Variants in ARFIP1 observed in about 807,000 individuals in gnomAD.
The protein encoded by ARFIP1 is arfaptin-1.
Under a neutral mutation model 42.5 loss-of-function variants are expected in ARFIP1, and 24 were observed. The observed-to-expected ratio is 0.57, with a 90% CI of 0.41 to 0.80. The LOEUF (loss-of-function observed/expected upper bound fraction) is 0.80. Ranked by LOEUF, ARFIP1 falls within the 30% of genes least tolerant of loss-of-function variation. The pLI is 0.00. For missense variants in ARFIP1, 354 were observed against 434.0 expected (o/e 0.82, Z 1.64); for synonymous variants, 141 against 153.7 (o/e 0.92, Z 0.61).
intron 1 of ARFIP1, among the ~76,000 whole-genome samples, chr4:152,799,468 C>T (rs544715693): frequency 5.9e-5 from 9 of 152,308 alleles, no homozygotes; most frequent in African/African-American, 1.9e-4. Flanking sequence ...AGCCAAGCTA[C>T]TGTGATTCAG....
intron 1 of ARFIP1, among the ~76,000 whole-genome samples, chr4:152,816,474 T>G (rs1315875522): frequency 6.6e-6 from 1 of 152,246 alleles, no homozygotes; most frequent in Non-Finnish European, 1.5e-5. Context: ...GTAGCTGTCT[T>G]TATGACTTAC....
At position 152,869,953 on chromosome 4, in the gene ARFIP1, G is replaced by T. The variant is rs75165151; in HGVS notation, c.203-800G>T. On this transcript the variant is annotated intron_variant, in intron 3 of 8. Coordinates refer to ENST00000353617, the MANE Select transcript of ARFIP1 (RefSeq NM_001025595.3). The stretch of plus-strand genomic sequence containing the variant: ...GAGTGGCTTTTGCAAAAGAATAGAT[G>T]CCTGTTTCACTGATAATCAGTAGAT... Among the ~76,000 whole-genome samples the T allele has an allele frequency of 2.6e-5, 4 of 152,280 alleles. No homozygotes were observed. The East Asian group carries it at 7.7e-4, about 29-fold the overall frequency.
At chr4:152,899,354 C>T (rs2149907823) in intron 8 of ARFIP1, among the ~76,000 whole-genome samples, 1 of 152,218 alleles carries the variant, frequency 6.6e-6, no homozygotes, top group South Asian at 2.1e-4. Flanking sequence ...ATCTCACTAC[C>T]CCTAACTGTA....
At position 152,808,945 on chromosome 4, in the gene ARFIP1, A is replaced by T. The variant is rs1420677378; in HGVS notation, c.-9-20680A>T. ...CATGTGCCTGTAATCCCAGCTCCTC[A>T]GGAGGCTGAGGCAGGAGAATGGCTT... On this transcript the variant is annotated intron_variant, in intron 1 of 8. Transcript: ENST00000353617. Among the ~76,000 whole-genome samples, 5 of 152,078 alleles carry T rather than the reference A, an allele frequency of 3.3e-5. No homozygotes were observed. The East Asian group carries it at 9.7e-4, about 29-fold the overall frequency.
At chr4:152,820,057 AAC>A (rs1287786415) in intron 1 of ARFIP1, among the ~76,000 whole-genome samples, 1 of 152,020 alleles carries the variant, frequency 6.6e-6, no homozygotes, top group African/African-American at 2.4e-5. Context: ...GAATAGCTGG[AAC>A]ACTGGGTCAA....
chr4:152,844,380 G>C (rs1442084206), intron 2 of ARFIP1, among the ~76,000 whole-genome samples: 1 of 152,172 alleles, frequency 6.6e-6, no homozygotes, highest in African/African-American at 2.4e-5. Flanking sequence ...ACAATGAAAA[G>C]TTTTATTAGA....
At chr4:152,844,158 C>T (rs1732349706) in intron 2 of ARFIP1, among the ~76,000 whole-genome samples, 1 of 152,190 alleles carries the variant, frequency 6.6e-6, no homozygotes, top group South Asian at 2.1e-4. Flanking sequence ...TAGGTAAAAT[C>T]AGAAACTTCT....
intron 1 of ARFIP1, among the ~76,000 whole-genome samples, chr4:152,788,382 C>G (rs913917605): frequency 1.3e-5 from 2 of 151,934 alleles, no homozygotes; most frequent in African/African-American, 4.8e-5. Context: ...TACCCACTTT[C>G]CCCTATTATA....
At chr4:152,893,630 AGT>A (rs1737054031) in intron 8 of ARFIP1, among the ~76,000 whole-genome samples, 1 of 152,174 alleles carries the variant, frequency 6.6e-6, no homozygotes, top group Non-Finnish European at 1.5e-5. Flanking sequence ...TATTTTAAGA[AGT>A]GTAAAATACA....
In ARFIP1 at chr4:152,815,773, C is replaced by T. The variant is rs938794884; in HGVS notation, c.-9-13852C>T. Among the ~76,000 whole-genome samples the T allele has an allele frequency of 2.5e-5, 3 of 119,046 alleles. No homozygotes were observed. The Admixed American group carries it at 3.6e-4, about 14-fold the overall frequency. 78.1% of individuals were successfully genotyped at this position (119,046 alleles called of 152,430 possible). A position where few individuals can be genotyped will look rare whatever the true frequency, so the allele number is the denominator to read the frequency against. ...TTTTTTTTTTTTTTTGAGACGGAGTCTCGCTCTGTCGCCCAGGCTGGAGTG... is the reference window on the plus strand; with the variant it reads ...TTTTTTTTTTTTTTTGAGACGGAGTTTCGCTCTGTCGCCCAGGCTGGAGTG... On this transcript the variant is annotated intron_variant, in intron 1 of 8. Coordinates refer to ENST00000353617, the MANE Select transcript of ARFIP1 (RefSeq NM_001025595.3).
At chr4:152,822,271 A>G (rs1446275876) in intron 1 of ARFIP1, among the ~76,000 whole-genome samples, 1 of 150,586 alleles carries the variant, frequency 6.6e-6, no homozygotes, top group Non-Finnish European at 1.5e-5. Flanking sequence ...ATATCAGATC[A>G]AACAGACTAT....
At chr4:152,819,331 G>C (rs1170585188) in intron 1 of ARFIP1, among the ~76,000 whole-genome samples, 1 of 152,180 alleles carries the variant, frequency 6.6e-6, no homozygotes, top group African/African-American at 2.4e-5. Context: ...CCTTCAGTCT[G>C]TTCATGTACC....
At chr4:152,841,216 A>G (rs1303609854) in intron 2 of ARFIP1, among the ~76,000 whole-genome samples, 2 of 151,732 alleles carry the variant, frequency 1.3e-5, no homozygotes, top group Non-Finnish European at 2.9e-5. Context: ...TTGTATTTTT[A>G]GTAGAGATGG....
At chr4:152,885,144 GATGGAT>G (rs1736159019) in intron 7 of ARFIP1, among the ~76,000 whole-genome samples, 1 of 152,028 alleles carries the variant, frequency 6.6e-6, no homozygotes, top group Admixed American at 6.6e-5. Flanking sequence ...CTTGCCTACT[GATGGAT>G]AATAGTCAAA....
At chr4:152,819,059 G>T (rs1375136761) in intron 1 of ARFIP1, among the ~76,000 whole-genome samples, 7 of 152,224 alleles carry the variant, frequency 4.6e-5, no homozygotes, top group African/African-American at 1.4e-4. Context: ...AACACAATGG[G>T]CAGGGGCCTT....
At chr4:152,786,989 G>T (rs146856845) in intron 1 of ARFIP1, among the ~76,000 whole-genome samples, 1 of 152,270 alleles carries the variant, frequency 6.6e-6, no homozygotes, top group East Asian at 1.9e-4. Context: ...TAAGGTAATA[G>T]CATCATACAT....
chr4:152,837,043 T>C (rs1731708194), intron 2 of ARFIP1, among the ~76,000 whole-genome samples: 1 of 152,164 alleles, frequency 6.6e-6, no homozygotes, highest in Non-Finnish European at 1.5e-5. Flanking sequence ...TGGTTTCCAT[T>C]CCTGAGTTAC....
In ARFIP1 at chr4:152,866,357, A is replaced by G. The variant is rs535344946; in HGVS notation, c.202+2643A>G. Among the ~76,000 whole-genome samples the G allele has an allele frequency of 6.6e-5, 10 of 152,326 alleles. No homozygotes were observed. The South Asian group carries it at 2.1e-3, about 32-fold the overall frequency. Reference sequence around the variant, plus strand: ...ATTCCACAAAACCGCCATTGTCATCATGGCCCGTTCCCAGTGAGCTGTTGG... The same window carrying G: ...ATTCCACAAAACCGCCATTGTCATCGTGGCCCGTTCCCAGTGAGCTGTTGG... On this transcript the variant is annotated intron_variant, in intron 3 of 8. Transcript: ENST00000353617.
At chr4:152,782,235 T>G (rs943918336) in intron 1 of ARFIP1, among the ~76,000 whole-genome samples, 2 of 60,570 alleles carry the variant, frequency 3.3e-5, no homozygotes, top group African/African-American at 7.6e-5. Context: ...TGTGTGTGTG[T>G]GTGTGTGTGT....
Sources: allele counts gnomAD v4.1 joint callset (sites outside exome capture counted in the v4.1 genomes callset), GRCh38; gene constraint gnomAD v4.1.1; transcripts MANE v1.5; gene names NCBI Gene and HGNC (gene_info 2026-07-23, HGNC 2026-07-21).